The following GRM8 variants were observed in gnomAD, a reference collection of about 807,000 sequenced individuals.
GRM8 encodes metabotropic glutamate receptor 8.
GRM8 carries 47 observed loss-of-function variants against 87.2 expected under a neutral mutation model. The ratio of observed to expected loss-of-function variants is 0.54; its 90% CI spans 0.43 to 0.69. GRM8 has a LOEUF of 0.69. GRM8 is among the 30% of genes least tolerant of loss of function. The pLI, the probability that GRM8 is intolerant of heterozygous loss-of-function variation, is 0.00. For synonymous variants in GRM8, 396 were observed against 404.5 expected, an observed-to-expected ratio of 0.98 and a Z score of 0.25; for missense variants, 1,019 against 1,139.2, an observed-to-expected ratio of 0.89 and a Z score of 1.52.
At chr7:127,060,091 A>G (rs1323661302) in intron 3 of GRM8, among the ~76,000 whole-genome samples, 2 of 152,256 alleles carry the variant, frequency 1.3e-5, no homozygotes, top group African/African-American at 4.8e-5. Context: ...ACATAACAAA[A>G]GAATAAAAAC....
intron 3 of GRM8, among the ~76,000 whole-genome samples, chr7:127,101,125 T>C (rs889888676): frequency 6.6e-6 from 1 of 152,188 alleles, no homozygotes; most frequent in African/African-American, 2.4e-5. Context: ...AACTTTAATT[T>C]CTTTCATACC....
chr7:126,828,367 T>C (rs1458121303), intron 6 of GRM8, among the ~76,000 whole-genome samples: 2 of 152,188 alleles, frequency 1.3e-5, no homozygotes, highest in Non-Finnish European at 2.9e-5. Context: ...TGGTAAGCTA[T>C]TGATTATTGC....
chr7:126,844,446 T>G (rs1335469161), intron 6 of GRM8, among the ~76,000 whole-genome samples: 1 of 152,202 alleles, frequency 6.6e-6, no homozygotes, highest in East Asian at 1.9e-4. Flanking sequence ...AAACTTTTCT[T>G]CTTTTCTTTA....
intron 7 of GRM8, among the ~76,000 whole-genome samples, chr7:126,737,260 G>A (rs1161190525): frequency 6.6e-6 from 1 of 151,970 alleles, no homozygotes; most frequent in Non-Finnish European, 1.5e-5. Context: ...CACCACCCAA[G>A]ATGGATAAGC....
At chr7:127,168,596 T>C (rs1587183927) in intron 2 of GRM8, among the ~76,000 whole-genome samples, 1 of 152,128 alleles carries the variant, frequency 6.6e-6, no homozygotes, top group Non-Finnish European at 1.5e-5. Context: ...TAGCAAAGAC[T>C]TGGAACCAAC....
chr7:126,614,426 A>G (rs1405558053), intron 7 of GRM8, among the ~76,000 whole-genome samples: 1 of 152,186 alleles, frequency 6.6e-6, no homozygotes, highest in Non-Finnish European at 1.5e-5. Context: ...AAAGATGGGG[A>G]AAAAACAGAG....
At chr7:126,853,621 T>C (rs1384661413) in intron 6 of GRM8, among the ~76,000 whole-genome samples, 2 of 151,520 alleles carry the variant, frequency 1.3e-5, no homozygotes, top group African/African-American at 2.4e-5. Flanking sequence ...TCGATATCAT[T>C]GCACCTTGAT....
chr7:126,897,575 G>A (rs1463673436), intron 6 of GRM8, among the ~76,000 whole-genome samples: 1 of 151,644 alleles, frequency 6.6e-6, no homozygotes, highest in Non-Finnish European at 1.5e-5. Flanking sequence ...ATGAGGGAGG[G>A]AGGAAGGAAG....
At chr7:127,154,511 GT>G (rs1792602830) in intron 2 of GRM8, among the ~76,000 whole-genome samples, 1 of 152,002 alleles carries the variant, frequency 6.6e-6, no homozygotes. Context: ...CTTTCACAGA[GT>G]AAAGAAGCCC....
intron 3 of GRM8, among the ~76,000 whole-genome samples, chr7:127,019,571 C>T (rs999486904): frequency 1.3e-5 from 2 of 152,028 alleles, no homozygotes; most frequent in African/African-American, 4.8e-5. Context: ...ACTGATTTGT[C>T]ATGACACTGC....
intron 9 of GRM8, among the ~76,000 whole-genome samples, chr7:126,472,879 C>T (rs958987845): frequency 3.0e-4 from 46 of 152,302 alleles, no homozygotes; most frequent in African/African-American, 1.1e-3. Flanking sequence ...GCCATTGCTT[C>T]AGAGGGTACA....
intron 6 of GRM8, among the ~76,000 whole-genome samples, chr7:126,838,522 A>T (rs961075014): frequency 1.3e-5 from 2 of 152,200 alleles, no homozygotes; most frequent in Non-Finnish European, 2.9e-5. Context: ...TATCAAGGGG[A>T]AAGTGTTTTA....
intron 8 of GRM8, among the ~76,000 whole-genome samples, chr7:126,595,767 T>C (rs1010345997): frequency 2.6e-5 from 4 of 152,172 alleles, no homozygotes; most frequent in Non-Finnish European, 5.9e-5. Flanking sequence ...GATGGGCATT[T>C]AGGATGATTC....
At chr7:127,138,174 G>A (rs961402320) in intron 2 of GRM8, among the ~76,000 whole-genome samples, 1 of 152,166 alleles carries the variant, frequency 6.6e-6, no homozygotes, top group Non-Finnish European at 1.5e-5. Context: ...GTGCAGAGCT[G>A]CAAAGCCCTT....
chr7:126,931,462 C>G (rs1805762906), intron 3 of GRM8, among the ~76,000 whole-genome samples: 1 of 152,090 alleles, frequency 6.6e-6, no homozygotes. Context: ...ACTAGGTTAA[C>G]AAACAATAGA....
chr7:126,803,692 A>T (rs1792337973), intron 6 of GRM8, among the ~76,000 whole-genome samples: 1 of 152,218 alleles, frequency 6.6e-6, no homozygotes, highest in African/African-American at 2.4e-5. Flanking sequence ...GTCCTTAATT[A>T]TCTCTAAGCA....
Position 126,903,996 on chromosome 7 carries a change from A to C in GRM8, c.994T>G (p.Leu332Val). ...EEIAEGAVTI[L>V]PKRASIDGFD... Reference sequence around the variant, plus strand: ...CCATCAATTGATGCTCGTTTGGGCAAAATTGTCACAGCCCCTTCTGCAATC... The same window carrying C: ...CCATCAATTGATGCTCGTTTGGGCACAATTGTCACAGCCCCTTCTGCAATC... Residue 332 changes from leucine to valine, a missense_variant, in exon 5 of 11, where the codon TTG becomes GTG. Coordinates refer to ENST00000339582, the MANE Select transcript of GRM8 (RefSeq NM_000845.3). 6.4e-7 allele frequency: 1 copy of C among 1,557,836 alleles called. No homozygotes were observed.
At chr7:126,665,994 G>A (rs1415814030) in intron 7 of GRM8, among the ~76,000 whole-genome samples, 1 of 152,022 alleles carries the variant, frequency 6.6e-6, no homozygotes, top group Non-Finnish European at 1.5e-5. Flanking sequence ...TTAGGTGAGA[G>A]CCTCCTTATT....
intron 3 of GRM8, among the ~76,000 whole-genome samples, chr7:127,028,338 C>T (rs759963672): frequency 5.9e-5 from 9 of 152,146 alleles, no homozygotes; most frequent in Non-Finnish European, 1.0e-4. Flanking sequence ...CAGGATGATG[C>T]TGGCCTCATA....
Sources: allele counts gnomAD v4.1 joint callset (sites outside exome capture counted in the v4.1 genomes callset), GRCh38; gene constraint gnomAD v4.1.1; transcripts MANE v1.5; gene names NCBI Gene and HGNC (gene_info 2026-07-23, HGNC 2026-07-21).